AGBL1: variants seen among roughly 807,000 people sequenced by gnomAD.
AGBL1 encodes the protein AGBL carboxypeptidase 1.
AGBL1 carries 130 observed loss-of-function variants against 118.9 expected under a neutral mutation model. The observed-to-expected ratio is 1.09, with a 90% CI of 0.95 to 1.26. AGBL1 has a LOEUF of 1.26. Among genes scored for constraint, AGBL1 ranks in the 50% most tolerant of loss-of-function variants. AGBL1 has a pLI of 0.00. For synonymous variants in AGBL1, 555 were observed against 478.9 expected (o/e 1.16, Z -2.08); for missense variants, 1,584 against 1,298.1 (o/e 1.22, Z -3.38).
chr15:86,376,167 G>C (rs2081038954), intron 17 of AGBL1, among the ~76,000 whole-genome samples: 1 of 152,238 alleles, frequency 6.6e-6, no homozygotes, highest in Non-Finnish European at 1.5e-5. Flanking sequence ...AAAGGAGAAA[G>C]ATGTCAGAAG....
At chr15:86,661,381 T>TC (rs2085536513) in intron 21 of AGBL1, among the ~76,000 whole-genome samples, 1 of 151,948 alleles carries the variant, frequency 6.6e-6, no homozygotes, top group Non-Finnish European at 1.5e-5. Context: ...ATGCTTTTTT[T>TC]CCCAACTCCT....
intron 22 of AGBL1, 116 bp downstream of exon 22, chr15:86,674,552 A>T (rs1201311651): frequency 9.4e-7 from 1 of 1,068,370 alleles, no homozygotes; most frequent in Non-Finnish European, 1.3e-6. Flanking sequence ...AATATGGAAG[A>T]ATTCCCAAGT....
chr15:86,704,392 A>G (rs1329951357), intron 22 of AGBL1, among the ~76,000 whole-genome samples: 1 of 152,214 alleles, frequency 6.6e-6, no homozygotes, highest in East Asian at 1.9e-4. Context: ...TACCCATCAG[A>G]CAAAGGTCTA....
At position 86,425,658 on chromosome 15, in the gene AGBL1, C is replaced by T. The variant is rs180999666; in HGVS notation, c.2555+28112C>T. On this transcript the variant is annotated intron_variant, in intron 18 of 22. Coordinates refer to ENST00000614907, the MANE Select transcript of AGBL1 (RefSeq NM_001386094.1). ...AAGTGTGTTTTATTTTTCAGTTAAA[C>T]TTCTGGTAATTTATAATCAGTGATT... Among the ~76,000 whole-genome samples, 481 of 152,198 alleles carry T rather than the reference C, an allele frequency of 3.2e-3. 1 individual carries two copies. The highest frequency in any genetic ancestry group is 0.011 in the African/African-American group (454 of 41,518).
chr15:86,782,812 AT>A, intron 22 of AGBL1, among the ~76,000 whole-genome samples: 1 of 152,328 alleles, frequency 6.6e-6, no homozygotes, highest in Admixed American at 6.5e-5. Flanking sequence ...CAAATACTTT[AT>A]TCTTGTGAAG....
intron 19 of AGBL1, among the ~76,000 whole-genome samples, chr15:86,541,006 G>A (rs1370302620): frequency 6.6e-6 from 1 of 152,174 alleles, no homozygotes; most frequent in Non-Finnish European, 1.5e-5. Context: ...TTTAAGGAGT[G>A]CCTATCACCA....
At chr15:86,787,040 A>G (rs1342385912) in intron 22 of AGBL1, among the ~76,000 whole-genome samples, 1 of 152,190 alleles carries the variant, frequency 6.6e-6, no homozygotes, top group African/African-American at 2.4e-5. Flanking sequence ...TGTTTGCCTA[A>G]TTGATGTTGT....
At chr15:86,523,105 A>C (rs1596221765) in intron 19 of AGBL1, 166 bp downstream of exon 19, 1 of 773,748 alleles carries the variant, frequency 1.3e-6, no homozygotes. Context: ...GCTGTACCAA[A>C]CTGCCACAAC....
At chr15:86,463,791 T>A (rs1199283142) in intron 18 of AGBL1, among the ~76,000 whole-genome samples, 1 of 152,192 alleles carries the variant, frequency 6.6e-6, no homozygotes, top group Non-Finnish European at 1.5e-5. Context: ...TCTGTTCCAT[T>A]GGTCTATATA....
chr15:86,267,286 C>T (rs949211484), intron 13 of AGBL1, among the ~76,000 whole-genome samples: 3 of 152,162 alleles, frequency 2.0e-5, no homozygotes, highest in African/African-American at 7.2e-5. Context: ...CAGTACACCA[C>T]TAAGTGTACT....
chr15:86,946,199 C>T (rs1293816256), intron 23 of AGBL1: 1 of 152,198 alleles, frequency 6.6e-6, no homozygotes, highest in Admixed American at 6.5e-5. Flanking sequence ...TAAGGGGCTA[C>T]TATTTGGTTG....
chr15:86,952,737 C>T (rs1276208479), intron 23 of AGBL1, among the ~76,000 whole-genome samples: 1 of 152,118 alleles, frequency 6.6e-6, no homozygotes, highest in Non-Finnish European at 1.5e-5. Flanking sequence ...TTTGGGGACT[C>T]AGCCAAAAAT....
chr15:86,529,748 A>C (rs1406503058), intron 19 of AGBL1, among the ~76,000 whole-genome samples: 1 of 151,952 alleles, frequency 6.6e-6, no homozygotes, highest in African/African-American at 2.4e-5. Flanking sequence ...CATCAGACTA[A>C]CAGCGGATCT....
intron 23 of AGBL1, among the ~76,000 whole-genome samples, chr15:86,946,031 G>T (rs1026929257): frequency 1.4e-4 from 22 of 152,206 alleles, no homozygotes; most frequent in African/African-American, 4.6e-4. Context: ...ATTTCTGAAA[G>T]ATTAACTTAA....
chr15:86,142,217 G>A (rs1255264449), intron 2 of AGBL1, 150 bp downstream of exon 2: 7 of 739,820 alleles, frequency 9.5e-6, no homozygotes, highest in African/African-American at 1.8e-5. Flanking sequence ...TTTCTCTAAG[G>A]TTAATAAGAC....
intron 13 of AGBL1, among the ~76,000 whole-genome samples, chr15:86,267,809 A>G (rs972328708): frequency 1.3e-5 from 2 of 152,236 alleles, no homozygotes; most frequent in Non-Finnish European, 2.9e-5. Flanking sequence ...GGCAAGATAC[A>G]TGATTCATCT....
chr15:86,284,629 C>T (rs530142662), intron 16 of AGBL1, among the ~76,000 whole-genome samples: 2 of 152,276 alleles, frequency 1.3e-5, no homozygotes, highest in Admixed American at 1.3e-4. Flanking sequence ...TAAAGTAGGC[C>T]ATCTCCTTAG....
intron 21 of AGBL1, among the ~76,000 whole-genome samples, chr15:86,565,281 G>A (rs1256697638): frequency 6.6e-6 from 1 of 152,192 alleles, no homozygotes; most frequent in Non-Finnish European, 1.5e-5. Flanking sequence ...TTTGGTCTTT[G>A]ATGATGGTGA....
At chr15:86,771,100 T>C (rs2141288500) in intron 22 of AGBL1, among the ~76,000 whole-genome samples, 1 of 152,058 alleles carries the variant, frequency 6.6e-6, no homozygotes, top group Middle Eastern at 3.4e-3. Flanking sequence ...GTGTCAAAGA[T>C]GGAAGGAAGT....
Sources: gnomAD v4.1 joint callset for allele counts (sites outside exome capture counted in the v4.1 genomes callset) on GRCh38, gnomAD v4.1.1 for gene constraint, MANE v1.5 for transcripts, NCBI Gene and HGNC (gene_info 2026-07-23, HGNC 2026-07-21) for gene names.